Variants in COLGALT2 observed in about 807,000 individuals in gnomAD.
COLGALT2 encodes the protein collagen beta(1-O)galactosyltransferase 2.
In COLGALT2, 49 loss-of-function variants were observed where a neutral mutation model predicts 73.4. That is an observed-to-expected ratio of 0.67 (90% CI 0.53 to 0.85). The LOEUF is 0.85. Ranked by LOEUF, COLGALT2 falls within the 40% of genes least tolerant of loss-of-function variation. COLGALT2 has a pLI of 0.00. For missense variants in COLGALT2, 722 were observed against 790.2 expected (o/e 0.91, Z 1.03); for synonymous variants, 295 against 307.6 (o/e 0.96, Z 0.43).
intron 1 of COLGALT2, among the ~76,000 whole-genome samples, chr1:183,989,646 A>G (rs952942593): frequency 6.6e-6 from 1 of 152,230 alleles, no homozygotes; most frequent in African/African-American, 2.4e-5. Flanking sequence ...AAGAATGACA[A>G]TAAATATTTT....
intron 1 of COLGALT2, among the ~76,000 whole-genome samples, chr1:184,018,275 G>A (rs201333620): frequency 6.6e-6 from 1 of 151,254 alleles, no homozygotes; most frequent in Non-Finnish European, 1.5e-5. Flanking sequence ...GTTTCAAAAA[G>A]AAAAAAAAAA....
At chr1:184,016,669 A>C (rs12039371) in intron 1 of COLGALT2, among the ~76,000 whole-genome samples, 28,328 of 152,186 alleles carry the variant, frequency 0.19, 2,887 homozygotes, top group East Asian at 0.45. Context: ...TACAAAATTC[A>C]AAATGTAAAA....
exon 12 of COLGALT2, chr1:183,929,958 A>T (rs1223764718): frequency 3.6e-6 from 1 of 276,744 alleles, no homozygotes; most frequent in Admixed American, 4.5e-5. Flanking sequence ...TCACAGATCC[A>T]GGCAGCTTCC....
intron 1 of COLGALT2, among the ~76,000 whole-genome samples, chr1:183,989,261 A>G (rs1240488981): frequency 6.6e-6 from 1 of 152,172 alleles, no homozygotes; most frequent in Non-Finnish European, 1.5e-5. Context: ...TCAGCAGAGG[A>G]GCTGGGTGGA....
chr1:183,980,009 T>TA (rs1158968580), intron 1 of COLGALT2, among the ~76,000 whole-genome samples: 1 of 152,010 alleles, frequency 6.6e-6, no homozygotes, highest in Non-Finnish European at 1.5e-5. Context: ...AGTTGTTTTT[T>TA]AAAAAATAAC....
chr1:184,000,252 G>C (rs1385937178), intron 1 of COLGALT2, among the ~76,000 whole-genome samples: 1 of 152,062 alleles, frequency 6.6e-6, no homozygotes, highest in Non-Finnish European at 1.5e-5. Flanking sequence ...AAAGGTCCAT[G>C]TGTGTCAGAG....
intron 1 of COLGALT2, among the ~76,000 whole-genome samples, chr1:183,984,418 C>A (rs545232357): frequency 6.6e-6 from 1 of 152,224 alleles, no homozygotes; most frequent in Non-Finnish European, 1.5e-5. Flanking sequence ...AGAAAAACAA[C>A]AACGACAAAA....
chr1:183,936,485 G>A lies in COLGALT2; in HGVS notation c.*2276C>T. On this transcript the variant is annotated 3_prime_UTR_variant, in exon 12 of 12. Coordinates refer to ENST00000361927, the MANE Select transcript of COLGALT2 (RefSeq NM_015101.4). ...TAAGTCCAAAGTCTTTTAAGAATGA[G>A]AGTTCTTAAATCTGTCAGACCAGCT... 1.0e-6 allele frequency: 1 copy of A among 998,076 alleles called. No homozygotes were observed. The highest frequency in any genetic ancestry group is 4.7e-5 in the South Asian group (1 of 21,366). 61.8% of individuals were successfully genotyped at this position (998,076 alleles called of 1,614,324 possible).
chr1:183,933,558 T>C (rs1326263788), downstream of COLGALT2, among the ~76,000 whole-genome samples: 5 of 152,242 alleles, frequency 3.3e-5, no homozygotes, highest in African/African-American at 1.2e-4. Context: ...TGGGGGTCTG[T>C]TCCAAACTTC....
chr1:183,977,666 G>T (rs182517249), intron 2 of COLGALT2, among the ~76,000 whole-genome samples: 1 of 152,040 alleles, frequency 6.6e-6, no homozygotes, highest in East Asian at 1.9e-4. Flanking sequence ...GTGCATGGCT[G>T]TGGTCTTAGC....
chr1:183,956,302 C>T (rs762541451), intron 6 of COLGALT2, among the ~76,000 whole-genome samples: 2 of 152,138 alleles, frequency 1.3e-5, no homozygotes, highest in Non-Finnish European at 2.9e-5. Context: ...AGTTCTTAGG[C>T]CAAACACAAG....
chr1:183,930,045 T>C (rs1348615524), exon 12 of COLGALT2: 1 of 325,728 alleles, frequency 3.1e-6, no homozygotes, highest in African/African-American at 2.2e-5. Flanking sequence ...ACTCACAAAC[T>C]GTTCCCAACT....
chr1:184,026,487 C>T (rs541818367), intron 1 of COLGALT2, among the ~76,000 whole-genome samples: 1 of 152,306 alleles, frequency 6.6e-6, no homozygotes, highest in East Asian at 1.9e-4. Flanking sequence ...TATAATAATG[C>T]TGCTATATCA....
chr1:184,014,173 T>C (rs1464669087), intron 1 of COLGALT2, among the ~76,000 whole-genome samples: 1 of 152,064 alleles, frequency 6.6e-6, no homozygotes, highest in Non-Finnish European at 1.5e-5. Context: ...CCAGACTACT[T>C]GAGGTGAGGT....
At chr1:184,022,559 C>T (rs974282893) in intron 1 of COLGALT2, among the ~76,000 whole-genome samples, 1 of 152,144 alleles carries the variant, frequency 6.6e-6, no homozygotes, top group African/African-American at 2.4e-5. Flanking sequence ...GAAGGTAAAA[C>T]ACAGAGTATG....
chr1:183,931,860 TAAAAAA>T (rs35058267), downstream of COLGALT2, among the ~76,000 whole-genome samples: 1 of 120,002 alleles, frequency 8.3e-6, no homozygotes, highest in East Asian at 2.3e-4. Context: ...GTTCCTGCCA[TAAAAAA>T]AAAAAAAAAA....
intron 1 of COLGALT2, among the ~76,000 whole-genome samples, chr1:183,989,307 G>C (rs1046120659): frequency 6.6e-6 from 1 of 152,198 alleles, no homozygotes; most frequent in Non-Finnish European, 1.5e-5. Flanking sequence ...TAAACTCTGA[G>C]TGGGGATGTC....
intron 6 of COLGALT2, among the ~76,000 whole-genome samples, chr1:183,962,434 C>T (rs1439116987): frequency 6.6e-6 from 1 of 152,082 alleles, no homozygotes; most frequent in Non-Finnish European, 1.5e-5. Flanking sequence ...GCTGGGATTA[C>T]AGCCATGAGC....
At position 183,955,269 on chromosome 1, in the gene COLGALT2, G is replaced by A. The variant is rs76963781; in HGVS notation, c.953-431C>T. Among the ~76,000 whole-genome samples the A allele has an allele frequency of 1.2e-4, 19 of 152,230 alleles. No homozygotes were observed. In the East Asian group the frequency reaches 3.1e-3, roughly 25 times the overall value. ...GTTATAAAATTTAAATGAGACCTGC[G>A]TGCAAAGCACTCACCACTTTAACAC... On this transcript the variant is annotated intron_variant, in intron 6 of 11. Coordinates refer to ENST00000361927, the MANE Select transcript of COLGALT2 (RefSeq NM_015101.4).
Sources: allele counts gnomAD v4.1 joint callset (sites outside exome capture counted in the v4.1 genomes callset), GRCh38; gene constraint gnomAD v4.1.1; transcripts MANE v1.5; gene names NCBI Gene and HGNC (gene_info 2026-07-23, HGNC 2026-07-21).